Variants in PDE4D observed in about 807,000 individuals in gnomAD.
The protein encoded by PDE4D is phosphodiesterase 4D.
In PDE4D, 24 loss-of-function variants were observed where a neutral mutation model predicts 87.4. That is an observed-to-expected ratio of 0.27 (90% CI 0.20 to 0.39). The LOEUF is 0.39. Among genes scored for constraint, PDE4D ranks in the 10% least tolerant of loss-of-function variants. The probability of loss-of-function intolerance (pLI) is 1.00; values close to 1 mark genes in which losing one functional copy is unlikely to be tolerated. For missense variants in PDE4D, 714 were observed against 1,041.0 expected, an observed-to-expected ratio of 0.69 and a Z score of 4.32; for synonymous variants, 384 against 383.2, an observed-to-expected ratio of 1.00 and a Z score of -0.02.
chr5:60,481,179 T>C (rs1166537139), intron 1 of PDE4D, among the ~76,000 whole-genome samples: 2 of 152,152 alleles, frequency 1.3e-5, no homozygotes, highest in Non-Finnish European at 2.9e-5. Context: ...GAGTTTATTA[T>C]TGGCTTAACA....
chr5:60,111,746 A>G (rs1467741463), intron 2 of PDE4D, among the ~76,000 whole-genome samples: 7 of 152,042 alleles, frequency 4.6e-5, no homozygotes, highest in Non-Finnish European at 1.0e-4. Flanking sequence ...ACAAAGACAT[A>G]TAATAAAGAA....
At chr5:60,388,299 G>A (rs1205790413) in intron 1 of PDE4D, among the ~76,000 whole-genome samples, 2 of 152,038 alleles carry the variant, frequency 1.3e-5, no homozygotes, top group Admixed American at 6.6e-5. Context: ...ACTTTTCTTG[G>A]CCTCTCTGTG....
At chr5:60,232,290 T>C (rs576982490) in intron 1 of PDE4D, among the ~76,000 whole-genome samples, 4 of 152,114 alleles carry the variant, frequency 2.6e-5, no homozygotes, top group Non-Finnish European at 4.4e-5. Flanking sequence ...TCATTATGGT[T>C]CTGTTCTCTT....
intron 1 of PDE4D, among the ~76,000 whole-genome samples, chr5:59,880,174 T>C (rs1476879167): frequency 6.6e-6 from 1 of 152,070 alleles, no homozygotes; most frequent in African/African-American, 2.4e-5. Flanking sequence ...AGCAGGAGCA[T>C]AGCTCACTGT....
intron 2 of PDE4D, among the ~76,000 whole-genome samples, chr5:60,130,876 C>G (rs1164211096): frequency 6.6e-6 from 1 of 152,170 alleles, no homozygotes; most frequent in African/African-American, 2.4e-5. Flanking sequence ...TACACTGATA[C>G]ACAGTTAAGA....
At chr5:60,053,992 C>T (rs960300961) in intron 2 of PDE4D, among the ~76,000 whole-genome samples, 2 of 152,202 alleles carry the variant, frequency 1.3e-5, no homozygotes, top group Non-Finnish European at 2.9e-5. Context: ...GAGATACCAT[C>T]TCATGCCAGT....
chr5:60,302,464 T>A (rs1431674583), intron 1 of PDE4D, among the ~76,000 whole-genome samples: 1 of 152,222 alleles, frequency 6.6e-6, no homozygotes. Context: ...ATAGAGGTGT[T>A]TAAAGTATTC....
intron 2 of PDE4D, among the ~76,000 whole-genome samples, chr5:60,080,376 T>G (rs1334666038): frequency 6.6e-6 from 1 of 152,196 alleles, no homozygotes; most frequent in Non-Finnish European, 1.5e-5. Flanking sequence ...CTTTCTTTCT[T>G]TCTCTTGCCT....
At chr5:59,983,907 T>A (rs559642368) in intron 3 of PDE4D, among the ~76,000 whole-genome samples, 1 of 152,194 alleles carries the variant, frequency 6.6e-6, no homozygotes, top group Non-Finnish European at 1.5e-5. Flanking sequence ...TAAGTGTACA[T>A]AGCAGCTTCA....
chr5:60,045,206 GTTGT>G (rs1289879680), intron 2 of PDE4D, among the ~76,000 whole-genome samples: 8 of 151,902 alleles, frequency 5.3e-5, no homozygotes, highest in Non-Finnish European at 1.2e-4. Flanking sequence ...TTTTGATGGG[GTTGT>G]TTGTTTTTTT....
At chr5:59,774,675 T>C (rs34597555) in intron 1 of PDE4D, among the ~76,000 whole-genome samples, 4,570 of 151,234 alleles carry the variant, frequency 0.03, 99 homozygotes, top group Middle Eastern at 0.045. Context: ...AATGGCATTT[T>C]TTTTTTCTTT....
chr5:60,122,304 G>C (rs540440247), intron 2 of PDE4D, among the ~76,000 whole-genome samples: 1 of 152,224 alleles, frequency 6.6e-6, no homozygotes, highest in African/African-American at 2.4e-5. Flanking sequence ...TCTGTGTGGA[G>C]GCTCCAACCC....
intron 1 of PDE4D, among the ~76,000 whole-genome samples, chr5:60,259,707 A>G (rs1749447432): frequency 6.6e-6 from 1 of 152,074 alleles, no homozygotes; most frequent in African/African-American, 2.4e-5. Flanking sequence ...GACTCATTCT[A>G]CACATCTTCC....
At chr5:59,974,902 T>C (rs1761146075) in intron 3 of PDE4D, among the ~76,000 whole-genome samples, 1 of 152,126 alleles carries the variant, frequency 6.6e-6, no homozygotes, top group Admixed American at 6.6e-5. Flanking sequence ...TCCTCAGCCT[T>C]GCCACCAAAA....
intron 5 of PDE4D, among the ~76,000 whole-genome samples, chr5:59,046,420 A>G (rs202009213): frequency 0.022 from 3,099 of 143,456 alleles, 132 homozygotes; most frequent in African/African-American, 0.076. Context: ...GAGAGAGAGA[A>G]TGTGTGTGTG....
intron 1 of PDE4D, among the ~76,000 whole-genome samples, chr5:59,555,769 A>G (rs186242213): frequency 1.4e-4 from 21 of 152,260 alleles, no homozygotes; most frequent in African/African-American, 4.8e-4. Context: ...TGGGATTCCA[A>G]GGTGGCTATG....
intron 5 of PDE4D, among the ~76,000 whole-genome samples, chr5:59,167,239 G>C (rs1458109055): frequency 6.6e-6 from 1 of 152,146 alleles, no homozygotes; most frequent in Non-Finnish European, 1.5e-5. Context: ...TCTGACCCCT[G>C]AGTCTTGTTC....
chr5:60,264,289 T>A (rs1479211248), intron 1 of PDE4D, among the ~76,000 whole-genome samples: 1 of 152,218 alleles, frequency 6.6e-6, no homozygotes, highest in Non-Finnish European at 1.5e-5. Flanking sequence ...CTAAACCTCA[T>A]GTAGGCCAAA....
At chr5:60,290,727 C>G (rs935120482) in intron 1 of PDE4D, among the ~76,000 whole-genome samples, 7 of 152,210 alleles carry the variant, frequency 4.6e-5, no homozygotes, top group African/African-American at 1.7e-4. Context: ...ATCACCTGAG[C>G]TTGGGGAAAT....
Sources: gnomAD v4.1 joint callset for allele counts (sites outside exome capture counted in the v4.1 genomes callset) on GRCh38, gnomAD v4.1.1 for gene constraint, MANE v1.5 for transcripts, NCBI Gene and HGNC (gene_info 2026-07-23, HGNC 2026-07-21) for gene names.